Variants in LIPK observed in about 807,000 individuals in gnomAD.
LIPK encodes lipase family member K, also known as lipase member K.
A neutral mutation model predicts 48.6 loss-of-function variants in LIPK; 32 were observed. That is an observed-to-expected ratio of 0.66 (90% CI 0.50 to 0.88). The LOEUF (loss-of-function observed/expected upper bound fraction) is 0.88, where lower values mean the gene tolerates loss of function less well. Among genes scored for constraint, LIPK ranks in the 40% least tolerant of loss-of-function variants. LIPK has a pLI of 0.00. For synonymous variants in LIPK, 164 were observed against 157.4 expected (o/e 1.04, Z -0.32); for missense variants, 507 against 478.5 (o/e 1.06, Z -0.56).
chr10:88,724,795 A>G, intron 2 of LIPK, 147 bp downstream of exon 2: 1 of 619,648 alleles, frequency 1.6e-6, no homozygotes, highest in African/African-American at 1.9e-5. Context: ...GATATGGCTA[A>G]CTAATCCAAG....
At chr10:88,737,891 T>C in intron 7 of LIPK, 110 bp downstream of exon 7, 3 of 1,166,518 alleles carry the variant, frequency 2.6e-6, no homozygotes, top group Non-Finnish European at 3.7e-6. Context: ...TTTTTGCATT[T>C]GGAATGTAAT....
chr10:88,746,975 T>G (rs950087542), intron 9 of LIPK, among the ~76,000 whole-genome samples: 1 of 152,120 alleles, frequency 6.6e-6, no homozygotes, highest in Non-Finnish European at 1.5e-5. Context: ...CCTCAGAGAC[T>G]ATCATTATCA....
chr10:88,744,486 A>G (rs1221709130), intron 9 of LIPK, among the ~76,000 whole-genome samples: 1 of 152,212 alleles, frequency 6.6e-6, no homozygotes, highest in African/African-American at 2.4e-5. Context: ...GGTCCCACCT[A>G]CCAAGGTTAT....
Position 88,739,983 on chromosome 10 carries a change from A to C in LIPK, c.817-13A>C. The C allele has an allele frequency of 6.3e-7, 1 of 1,598,500 alleles. No homozygotes were observed. The highest frequency in any genetic ancestry group is 2.2e-5 in the East Asian group (1 of 44,658). ...TATGATTAGCCTCTAGATGAGAAGT[A>C]ATCTCTTTGCAGAGTCGCTTGGATG... On this transcript the variant is annotated splice_polypyrimidine_tract_variant and intron_variant, in intron 7 of 9. Coordinates refer to ENST00000404190, the MANE Select transcript of LIPK (RefSeq NM_001080518.2).
rs1367543319 is a variant in LIPK, at chr10:88,739,573, A to T, written c.817-423A>T. ...TTTTTTCCTTAAAGAAAGGGAAAAG[A>T]CGCCAGGTGCAGTGGCTCACACCTG... On this transcript the variant is annotated intron_variant, in intron 7 of 9. Transcript: ENST00000404190. 1.3e-4 allele frequency among the ~76,000 whole-genome samples: 20 copies of T among 152,102 alleles called. 1 individual carries two copies. Among genetic ancestry groups the T allele is most frequent in the Non-Finnish European group, 1.5e-5 (1 of 68,002 alleles).
intron 1 of LIPK, among the ~76,000 whole-genome samples, chr10:88,713,265 GTTGT>G (rs1280436340): frequency 6.6e-6 from 1 of 152,172 alleles, no homozygotes; most frequent in Admixed American, 6.6e-5. Flanking sequence ...TACCAATAGA[GTTGT>G]TTGTAACTTA....
chr10:88,724,441 C>G, intron 1 of LIPK, 92 bp from the exon 2 acceptor site: 1 of 712,242 alleles, frequency 1.4e-6, no homozygotes, highest in Non-Finnish European at 2.4e-6. Context: ...TGTTTCTGCT[C>G]TCTCTCATAG....
At chr10:88,734,955 A>G (rs1842542581) in intron 6 of LIPK, among the ~76,000 whole-genome samples, 1 of 152,170 alleles carries the variant, frequency 6.6e-6, no homozygotes, top group Non-Finnish European at 1.5e-5. Context: ...TTCTGGACTG[A>G]GACAACCTTT....
chr10:88,717,972 CTT>C (rs1263739003), intron 1 of LIPK, among the ~76,000 whole-genome samples: 1 of 151,306 alleles, frequency 6.6e-6, no homozygotes, highest in South Asian at 2.1e-4. Context: ...CTGTCTCTCT[CTT>C]GGGGCAGGAA....
At chr10:88,733,174 G>C (rs1216557510) in intron 6 of LIPK, among the ~76,000 whole-genome samples, 1 of 152,142 alleles carries the variant, frequency 6.6e-6, no homozygotes, top group Admixed American at 6.5e-5. Flanking sequence ...GCCCAACCTT[G>C]TTTCATTTCC....
At chr10:88,730,463 G>T (rs1842441930) in intron 3 of LIPK, among the ~76,000 whole-genome samples, 1 of 151,852 alleles carries the variant, frequency 6.6e-6, no homozygotes, top group African/African-American at 2.4e-5. Context: ...TAGTTTTTTT[G>T]TATTTTTTAG....
intron 9 of LIPK, among the ~76,000 whole-genome samples, chr10:88,750,947 A>T (rs1842852786): frequency 6.6e-6 from 1 of 152,234 alleles, no homozygotes; most frequent in South Asian, 2.1e-4. Context: ...GTTTGTTTTT[A>T]AAGTATATTC....
At chr10:88,747,061 T>A (rs1842778797) in intron 9 of LIPK, among the ~76,000 whole-genome samples, 1 of 151,938 alleles carries the variant, frequency 6.6e-6, no homozygotes, top group African/African-American at 2.4e-5. Flanking sequence ...AAAGATTAAA[T>A]CAGGAAGCAA....
rs143015655 is a variant in LIPK, at chr10:88,738,748, G to A, written c.816+967G>A. Among the ~76,000 whole-genome samples, 6 of 152,324 alleles carry A rather than the reference G, an allele frequency of 3.9e-5. No homozygotes were observed. The East Asian group carries it at 1.2e-3, about 29-fold the overall frequency. On this transcript the variant is annotated intron_variant, in intron 7 of 9. Transcript: ENST00000404190. The stretch of plus-strand genomic sequence containing the variant: ...AAAGACATCACAAAATAACACCCTT[G>A]AGTATTCATTGGCCCTTGTTGTCCA...
At chr10:88,742,782 G>A (rs1842702770) in intron 8 of LIPK, among the ~76,000 whole-genome samples, 1 of 150,610 alleles carries the variant, frequency 6.6e-6, no homozygotes, top group Non-Finnish European at 1.5e-5. Flanking sequence ...AAAAGTTTAA[G>A]GATAGGGAAT....
At chr10:88,737,602 T>C (rs1479100853) in intron 6 of LIPK, 33 bp from the exon 7 acceptor site, 1 of 1,609,448 alleles carries the variant, frequency 6.2e-7, no homozygotes, top group Non-Finnish European at 8.5e-7. Context: ...TCCACGCCTG[T>C]AAGATTTGAT....
At chr10:88,722,114 A>C (rs1341465932) in intron 1 of LIPK, among the ~76,000 whole-genome samples, 1 of 152,162 alleles carries the variant, frequency 6.6e-6, no homozygotes, top group African/African-American at 2.4e-5. Flanking sequence ...CCTGACCAAA[A>C]TGGTGAAACC....
chr10:88,745,658 C>T (rs565261152), intron 9 of LIPK, among the ~76,000 whole-genome samples: 1 of 152,256 alleles, frequency 6.6e-6, no homozygotes, highest in East Asian at 1.9e-4. Context: ...AAGACTGGTA[C>T]CAGATACTAC....
intron 9 of LIPK, among the ~76,000 whole-genome samples, chr10:88,746,881 A>G (rs1443290576): frequency 6.6e-6 from 1 of 152,156 alleles, no homozygotes; most frequent in Non-Finnish European, 1.5e-5. Flanking sequence ...TAGACTAATA[A>G]ATAATAAAGA....
Sources: allele counts gnomAD v4.1 joint callset (sites outside exome capture counted in the v4.1 genomes callset), GRCh38; gene constraint gnomAD v4.1.1; transcripts MANE v1.5; gene names NCBI Gene and HGNC (gene_info 2026-07-23, HGNC 2026-07-21).